MARK2: variants seen among roughly 807,000 people sequenced by gnomAD.
MARK2 encodes the protein serine/threonine-protein kinase MARK2.
In MARK2, 16 loss-of-function variants were observed where a neutral mutation model predicts 89.8. The ratio of observed to expected loss-of-function variants is 0.18; its 90% CI spans 0.12 to 0.27. The LOEUF is 0.27. MARK2 is among the 10% of genes least tolerant of loss of function. The probability of loss-of-function intolerance (pLI) is 1.00; values close to 1 mark genes in which losing one functional copy is unlikely to be tolerated. For synonymous variants in MARK2, 382 were observed against 399.5 expected (o/e 0.96, Z 0.52); for missense variants, 621 against 1,049.9 (o/e 0.59, Z 5.65).
intron 1 of MARK2, among the ~76,000 whole-genome samples, chr11:63,854,643 T>C (rs1651909616): frequency 6.6e-6 from 1 of 151,812 alleles, no homozygotes; most frequent in South Asian, 2.1e-4. Context: ...GAGACCAGCC[T>C]GTCCAACATG....
intron 1 of MARK2, among the ~76,000 whole-genome samples, chr11:63,893,442 G>A (rs568855662): frequency 2.6e-4 from 23 of 88,984 alleles, no homozygotes; most frequent in African/African-American, 4.3e-4. Context: ...TTGTCTATCC[G>A]TTCATCCAGC....
Position 63,839,230 on chromosome 11 carries a change from G to A in MARK2, c.-277G>A, listed in dbSNP as rs1252751893. The stretch of plus-strand genomic sequence containing the variant: ...AGGCAGGCGGCCGGCTGCGGCGGCA[G>A]AGAGTAGGCGGAGCGGCGCGGCCCG... On this transcript the variant is annotated 5_prime_UTR_variant, in exon 1 of 19. Coordinates refer to ENST00000402010, the MANE Select transcript of MARK2 (RefSeq NM_001039469.3). 4.3e-6 allele frequency: 1 copy of A among 234,852 alleles called. No homozygotes were observed. Among genetic ancestry groups the A allele is most frequent in the African/African-American group, 2.3e-5 (1 of 43,410 alleles). 14.5% of individuals were successfully genotyped at this position (234,852 alleles called of 1,614,324 possible).
rs955856486 is a variant in MARK2 at position 63,910,900 on chromosome 11, G to A, written c.*1663G>A. 1 of 152,238 alleles carries A rather than the reference G, an allele frequency of 6.6e-6. No homozygotes were observed. The highest frequency in any genetic ancestry group is 2.4e-5 in the African/African-American group (1 of 41,432). 9.4% of individuals were successfully genotyped at this position (152,238 alleles called of 1,614,324 possible). ...AGGGCATGGCTTGGCTCCCAAAGGGGGTAGGGGCCCGGGGCACCCAGGCAA... is the reference window on the plus strand; with the variant it reads ...AGGGCATGGCTTGGCTCCCAAAGGGAGTAGGGGCCCGGGGCACCCAGGCAA... On this transcript the variant is annotated 3_prime_UTR_variant, in exon 19 of 19. Coordinates refer to ENST00000402010, the MANE Select transcript of MARK2 (RefSeq NM_001039469.3).
intron 1 of MARK2, among the ~76,000 whole-genome samples, chr11:63,851,266 T>G (rs1015969078): frequency 1.3e-5 from 2 of 152,094 alleles, no homozygotes; most frequent in African/African-American, 2.4e-5. Context: ...GTTGCTTAGT[T>G]TTTTCACATT....
intron 1 of MARK2, among the ~76,000 whole-genome samples, chr11:63,840,950 C>G (rs2015984299): frequency 6.6e-6 from 1 of 152,106 alleles, no homozygotes; most frequent in Non-Finnish European, 1.5e-5. Context: ...CCACACCTCC[C>G]CTTTCTTTCA....
chr11:63,902,126 T>G lies in MARK2; in HGVS notation c.1102-72T>G, dbSNP rs1185636539. The G allele has an allele frequency of 8.9e-6, 14 of 1,567,978 alleles. No individual in the cohort carries two copies. The highest frequency in any genetic ancestry group is 1.7e-4 in the Middle Eastern group (1 of 5,942). ...GAGTGTTGGGAGAGGGCGGTATGTG[T>G]AAATGTGTCCATCCATAGGGATCTC... On this transcript the variant is annotated intron_variant, in intron 11 of 18. Coordinates refer to ENST00000402010, the MANE Select transcript of MARK2 (RefSeq NM_001039469.3). The surrounding 1 kb of genome is among the most constrained non-coding windows in gnomAD (Gnocchi z 4.2).
chr11:63,845,973 G>A (rs975865608), intron 1 of MARK2, among the ~76,000 whole-genome samples: 12 of 151,602 alleles, frequency 7.9e-5, no homozygotes, highest in African/African-American at 1.5e-4. Context: ...TCCGCCTGCC[G>A]TGGCCTCTCA....
chr11:63,893,574 A>T (rs1372360513), intron 1 of MARK2, among the ~76,000 whole-genome samples: 3 of 152,004 alleles, frequency 2.0e-5, no homozygotes, highest in Admixed American at 2.0e-4. Context: ...TGAGGAGCGG[A>T]ATTGCTGGCT....
intron 1 of MARK2, among the ~76,000 whole-genome samples, chr11:63,845,611 C>A (rs2016239298): frequency 6.6e-6 from 1 of 152,178 alleles, no homozygotes; most frequent in Non-Finnish European, 1.5e-5. Context: ...TCACCCTCTT[C>A]CCACTGCTGG....
intron 11 of MARK2, among the ~76,000 whole-genome samples, chr11:63,901,946 C>T (rs931595593): frequency 3.3e-5 from 5 of 151,676 alleles, no homozygotes; most frequent in African/African-American, 9.7e-5. Context: ...TGTGTTCTTG[C>T]GGATGTTTGT....
intron 1 of MARK2, among the ~76,000 whole-genome samples, chr11:63,891,964 T>A (rs948489762): frequency 1.3e-5 from 2 of 151,720 alleles, no homozygotes; most frequent in Non-Finnish European, 2.9e-5. Flanking sequence ...AACCCTAGAG[T>A]TCCTTTGGAA....
rs117615665 is a variant in MARK2, at chr11:63,862,566, G to A, written c.54+23006G>A. ...CCGAAATGGTGTGGATGGAGTGGGAGCAGCTTTCTGGGCTCACCTCCCTAC... is the reference window on the plus strand; with the variant it reads ...CCGAAATGGTGTGGATGGAGTGGGAACAGCTTTCTGGGCTCACCTCCCTAC... On this transcript the variant is annotated intron_variant, in intron 1 of 18. Coordinates refer to ENST00000402010, the MANE Select transcript of MARK2 (RefSeq NM_001039469.3). Among the ~76,000 whole-genome samples the A allele has an allele frequency of 8.2e-3, 1,248 of 151,748 alleles. 9 individuals carry two copies. The highest frequency in any genetic ancestry group is 0.014 in the Non-Finnish European group (964 of 67,910).
chr11:63,891,181 T>G (rs927676325), intron 1 of MARK2, among the ~76,000 whole-genome samples: 4 of 152,098 alleles, frequency 2.6e-5, no homozygotes, highest in African/African-American at 9.7e-5. Flanking sequence ...CTTGAACTCT[T>G]GGGCTCAAGC....
At chr11:63,857,134 A>C (rs544217477) in intron 1 of MARK2, among the ~76,000 whole-genome samples, 4 of 148,176 alleles carry the variant, frequency 2.7e-5, no homozygotes, top group Non-Finnish European at 6.0e-5. Context: ...TTTTATACTC[A>C]TTTCCTTTTT....
At chr11:63,854,605 C>T (rs928679581) in intron 1 of MARK2, among the ~76,000 whole-genome samples, 4 of 151,504 alleles carry the variant, frequency 2.6e-5, no homozygotes, top group Non-Finnish European at 4.4e-5. Flanking sequence ...GAGGCCAAGG[C>T]GAGTGGATCA....
At chr11:63,899,346 G>C (rs1243501166) in intron 7 of MARK2, among the ~76,000 whole-genome samples, 1 of 151,912 alleles carries the variant, frequency 6.6e-6, no homozygotes, top group Non-Finnish European at 1.5e-5. Context: ...CTTGAGCAGG[G>C]GCCCTCTGCC....
chr11:63,903,339 A>C lies in MARK2; in HGVS notation c.1514+181A>C. 3.4e-6 allele frequency: 2 copies of C among 593,972 alleles called. No individual in the cohort carries two copies. Among genetic ancestry groups the C allele is most frequent in the Non-Finnish European group, 6.0e-6 (2 of 330,818 alleles). The allele number at this position is 593,972 out of a possible 1,614,324, so 36.8% of individuals were successfully genotyped here. A position where few individuals can be genotyped will look rare whatever the true frequency, so the allele number is the denominator to read the frequency against. ...TATTCCACGCCATTGCCTCCTCCCC[A>C]TCTTCCTCTGACTGCTACTTGCAGT... is the stretch of plus-strand genomic sequence containing the variant. On this transcript the variant is annotated intron_variant, in intron 14 of 18. Coordinates refer to ENST00000402010, the MANE Select transcript of MARK2 (RefSeq NM_001039469.3). The surrounding 1 kb of genome is among the most constrained non-coding windows in gnomAD (Gnocchi z 5.1).
Position 63,900,696 on chromosome 11 carries a change from A to T in MARK2, c.888+18A>T, listed in dbSNP as rs1020327241. The T allele has an allele frequency of 1.2e-6, 2 of 1,613,838 alleles. No individual in the cohort carries two copies. Among genetic ancestry groups the T allele is most frequent in the Admixed American group, 3.3e-5 (2 of 60,008 alleles). On this transcript the variant is annotated intron_variant, in intron 9 of 18. Transcript: ENST00000402010. The surrounding 1 kb of genome is among the most constrained non-coding windows in gnomAD (Gnocchi z 4.7). ...CTTTAGAGGTGAGCAGTGGAGCCCAACTGGCGGAAGGGCCTGGGGTCCCCA... is the reference window on the plus strand; with the variant it reads ...CTTTAGAGGTGAGCAGTGGAGCCCATCTGGCGGAAGGGCCTGGGGTCCCCA...
At chr11:63,863,525 C>T (rs1327009442) in intron 1 of MARK2, among the ~76,000 whole-genome samples, 1 of 139,380 alleles carries the variant, frequency 7.2e-6, no homozygotes, top group African/African-American at 2.7e-5. Flanking sequence ...AGTGCAGTGG[C>T]GCAATCTCAG....
Sources: allele counts gnomAD v4.1 joint callset (sites outside exome capture counted in the v4.1 genomes callset), GRCh38; gene constraint gnomAD v4.1.1; non-coding constraint Gnocchi (gnomAD v3.1); transcripts MANE v1.5; gene names NCBI Gene and HGNC (gene_info 2026-07-23, HGNC 2026-07-21).